The following XKR6 variants were observed in gnomAD, a reference collection of about 807,000 sequenced individuals.
XKR6 encodes the protein XK-related protein 6.
In XKR6, 22 loss-of-function variants were observed where a neutral mutation model predicts 56.7. That is an observed-to-expected ratio of 0.39 (90% CI 0.28 to 0.55). XKR6 has a LOEUF of 0.55. XKR6 is among the 20% of genes least tolerant of loss of function. XKR6 has a pLI of 0.66. For missense variants in XKR6, 852 were observed against 889.0 expected (o/e 0.96, Z 0.53); for synonymous variants, 524 against 387.8 (o/e 1.35, Z -4.13).
At chr8:10,917,256 G>A (rs568513092) in intron 2 of XKR6, among the ~76,000 whole-genome samples, 1 of 152,174 alleles carries the variant, frequency 6.6e-6, no homozygotes, top group African/African-American at 2.4e-5. Context: ...TACCCTCCTT[G>A]CTGTGTGACT....
intron 1 of XKR6, among the ~76,000 whole-genome samples, chr8:11,049,897 G>A (rs997707393): frequency 2.0e-5 from 3 of 152,180 alleles, no homozygotes; most frequent in African/African-American, 7.2e-5. Context: ...CTGCTGCAGA[G>A]AGGCTAGAAG....
chr8:11,052,266 C>T (rs1799569132), intron 1 of XKR6, among the ~76,000 whole-genome samples: 1 of 152,164 alleles, frequency 6.6e-6, no homozygotes, highest in South Asian at 2.1e-4. Context: ...GATAGCAGCT[C>T]AGAGGGGCCT....
At chr8:11,097,659 T>C (rs895994587) in intron 1 of XKR6, among the ~76,000 whole-genome samples, 1 of 151,576 alleles carries the variant, frequency 6.6e-6, no homozygotes, top group Admixed American at 6.6e-5. Context: ...AATACAAAAT[T>C]AGCCGGGCGT....
intron 1 of XKR6, among the ~76,000 whole-genome samples, chr8:11,019,092 G>A (rs1461161517): frequency 6.6e-6 from 1 of 152,272 alleles, no homozygotes; most frequent in Non-Finnish European, 1.5e-5. Flanking sequence ...TTAGAGAATA[G>A]AGTCTGCCAT....
At chr8:10,912,862 TATAG>T (rs1220874306) in intron 2 of XKR6, among the ~76,000 whole-genome samples, 34 of 128,030 alleles carry the variant, frequency 2.7e-4, no homozygotes, top group South Asian at 1.9e-3. Context: ...AGGGTGTGTG[TATAG>T]ATAGAGAGAA....
chr8:11,067,214 C>G (rs1421155117), intron 1 of XKR6: 1 of 152,336 alleles, frequency 6.6e-6, no homozygotes, highest in Non-Finnish European at 1.5e-5. Context: ...GCGGCTCTGA[C>G]TCTCCCAGCA....
intron 1 of XKR6, among the ~76,000 whole-genome samples, chr8:11,029,896 T>C (rs1798953347): frequency 6.6e-6 from 1 of 152,118 alleles, no homozygotes. Flanking sequence ...TGAAGCCATT[T>C]TCCATCCATA....
At chr8:11,096,896 T>C (rs1422548632) in intron 1 of XKR6, among the ~76,000 whole-genome samples, 1 of 152,230 alleles carries the variant, frequency 6.6e-6, no homozygotes, top group East Asian at 1.9e-4. Flanking sequence ...AAAATCTAGC[T>C]GGAATGAAGA....
chr8:10,924,140 C>A (rs1310356590), intron 2 of XKR6, among the ~76,000 whole-genome samples: 1 of 152,248 alleles, frequency 6.6e-6, no homozygotes, highest in African/African-American at 2.4e-5. Context: ...TTGAACAGAG[C>A]TACTTAAGCT....
At position 11,121,052 on chromosome 8, in the gene XKR6, C is replaced by A. The variant is rs187273623; in HGVS notation, c.764+79524G>T. ...AAAATTAATTCAAGATGGATTAAAG[C>A]CTTACATGTTAGACCTAAAACCATA... On this transcript the variant is annotated intron_variant, in intron 1 of 2. Transcript: ENST00000416569. Among the ~76,000 whole-genome samples, 50 of 152,202 alleles carry A rather than the reference C, an allele frequency of 3.3e-4. No homozygotes were observed. The East Asian group carries it at 9.1e-3, about 28-fold the overall frequency.
chr8:11,090,431 A>AT (rs1798029322), intron 1 of XKR6, among the ~76,000 whole-genome samples: 1 of 150,038 alleles, frequency 6.7e-6, no homozygotes, highest in South Asian at 2.1e-4. Flanking sequence ...AATTTCCAGC[A>AT]TTTTTGCCAC....
chr8:11,086,827 G>T (rs1164158302), intron 1 of XKR6, among the ~76,000 whole-genome samples: 3 of 152,200 alleles, frequency 2.0e-5, no homozygotes, highest in Non-Finnish European at 4.4e-5. Flanking sequence ...CAGTGGCACG[G>T]CTGCTGCCAG....
At chr8:11,173,634 T>C (rs910300180) in intron 1 of XKR6, among the ~76,000 whole-genome samples, 5 of 152,098 alleles carry the variant, frequency 3.3e-5, no homozygotes, top group Non-Finnish European at 5.9e-5. Context: ...ATGCACAGCG[T>C]TGGGTGTCCT....
chr8:11,071,998 T>C (rs1800143014), intron 1 of XKR6, among the ~76,000 whole-genome samples: 1 of 151,920 alleles, frequency 6.6e-6, no homozygotes, highest in East Asian at 1.9e-4. Flanking sequence ...GATAAATACA[T>C]AGAAAACACC....
chr8:10,990,820 C>T (rs544571743), intron 1 of XKR6, among the ~76,000 whole-genome samples: 2 of 151,484 alleles, frequency 1.3e-5, no homozygotes, highest in South Asian at 2.1e-4. Flanking sequence ...TGGGCTCAAG[C>T]GATCCACCTG....
At chr8:10,996,459 A>G (rs1471388200) in intron 1 of XKR6, among the ~76,000 whole-genome samples, 1 of 152,230 alleles carries the variant, frequency 6.6e-6, no homozygotes, top group Non-Finnish European at 1.5e-5. Context: ...GTTAAGTGAG[A>G]AGGACCAGAG....
chr8:11,137,760 C>CA (rs1563165845), intron 1 of XKR6: 4 of 451,970 alleles, frequency 8.9e-6, no homozygotes, highest in African/African-American at 8.1e-5. Flanking sequence ...AATCCTGCTC[C>CA]GGTCCTCTTT....
At chr8:11,013,584 G>T (rs967281951) in intron 1 of XKR6, among the ~76,000 whole-genome samples, 2 of 152,008 alleles carry the variant, frequency 1.3e-5, no homozygotes, top group Non-Finnish European at 2.9e-5. Flanking sequence ...AATATAATAC[G>T]CCCCCTTTTT....
chr8:11,140,837 G>C (rs950668974), intron 1 of XKR6, among the ~76,000 whole-genome samples: 6 of 145,772 alleles, frequency 4.1e-5, no homozygotes, highest in African/African-American at 1.3e-4. Flanking sequence ...GGAAGAGCTT[G>C]TAGTGAGCCG....
Sources: gnomAD v4.1 joint callset for allele counts (sites outside exome capture counted in the v4.1 genomes callset) on GRCh38, gnomAD v4.1.1 for gene constraint, MANE v1.5 for transcripts, NCBI Gene and HGNC (gene_info 2026-07-23, HGNC 2026-07-21) for gene names.